The following PACSIN2 variants were observed in gnomAD, a reference collection of about 807,000 sequenced individuals.
PACSIN2 encodes the protein protein kinase C and casein kinase substrate in neurons 2.
A neutral mutation model predicts 63.8 loss-of-function variants in PACSIN2; 25 were observed. That is an observed-to-expected ratio of 0.39 (90% CI 0.29 to 0.55). The LOEUF (loss-of-function observed/expected upper bound fraction) is 0.55. Among genes scored for constraint, PACSIN2 ranks in the 20% least tolerant of loss-of-function variants. PACSIN2 has a pLI of 0.62. For missense variants in PACSIN2, 518 were observed against 646.9 expected (o/e 0.80, Z 2.16); for synonymous variants, 255 against 256.2 (o/e 1.00, Z 0.05).
intron 7 of PACSIN2, among the ~76,000 whole-genome samples, chr22:42,880,342 A>G (rs1189352265): frequency 6.6e-6 from 1 of 152,228 alleles, no homozygotes; most frequent in Non-Finnish European, 1.5e-5. Flanking sequence ...TTTTCTGACC[A>G]AAATAGATTG....
chr22:42,908,042 T>C (rs1931205525), intron 2 of PACSIN2, among the ~76,000 whole-genome samples: 1 of 151,484 alleles, frequency 6.6e-6, no homozygotes, highest in Non-Finnish European at 1.5e-5. Context: ...GGGCTAACAT[T>C]CCCAGAATAT....
rs192639929 is a variant in PACSIN2 at position 42,949,592 on chromosome 22, T to C, written c.-77-37435A>G. Among the ~76,000 whole-genome samples, 314 of 152,200 alleles carry C rather than the reference T, an allele frequency of 2.1e-3. 1 individual carries two copies. Among genetic ancestry groups the C allele is most frequent in the African/African-American group, 7.3e-3 (302 of 41,514 alleles). ...AATGCCGAATTACAATATACAATAA[T>C]ATTATCTGAGAAGCCCTGAAGAAAA... is the stretch of plus-strand genomic sequence containing the variant. On this transcript the variant is annotated intron_variant, in intron 1 of 10. Transcript: ENST00000263246.
chr22:42,888,897 G>A, intron 4 of PACSIN2, 99 bp from the exon 5 acceptor site: 1 of 1,230,584 alleles, frequency 8.1e-7, no homozygotes, highest in South Asian at 1.3e-5. Context: ...TACCAAGAGG[G>A]GAGAAAAAGG....
At chr22:42,905,524 G>A (rs1931013673) in intron 2 of PACSIN2, among the ~76,000 whole-genome samples, 1 of 152,238 alleles carries the variant, frequency 6.6e-6, no homozygotes, top group South Asian at 2.1e-4. Flanking sequence ...GCCCATCACA[G>A]AACAGCAGCA....
chr22:42,967,902 A>G (rs996854158), intron 1 of PACSIN2, among the ~76,000 whole-genome samples: 16 of 152,196 alleles, frequency 1.1e-4, no homozygotes, highest in East Asian at 1.9e-4. Flanking sequence ...ATAAAAAGAA[A>G]TCCTGCAAAT....
intron 1 of PACSIN2, among the ~76,000 whole-genome samples, chr22:42,981,615 T>G (rs1248127714): frequency 1.9e-5 from 2 of 107,464 alleles, no homozygotes; most frequent in African/African-American, 7.2e-5. Context: ...AGGACCCCTC[T>G]GCCCGGCCAG....
At chr22:42,930,404 T>C (rs1465969405) in intron 1 of PACSIN2, among the ~76,000 whole-genome samples, 2 of 152,130 alleles carry the variant, frequency 1.3e-5, no homozygotes, top group African/African-American at 2.4e-5. Flanking sequence ...CTCTCAGACC[T>C]TCTCTGGACC....
At chr22:42,997,859 C>T (rs551960675) in intron 1 of PACSIN2, among the ~76,000 whole-genome samples, 3 of 152,074 alleles carry the variant, frequency 2.0e-5, no homozygotes, top group Non-Finnish European at 4.4e-5. Context: ...CCAGCCTGGG[C>T]GACAGGGCAA....
At chr22:42,979,198 G>C (rs1368176841) in intron 1 of PACSIN2, among the ~76,000 whole-genome samples, 1 of 152,116 alleles carries the variant, frequency 6.6e-6, no homozygotes, top group Non-Finnish European at 1.5e-5. Context: ...TGGTTCATCT[G>C]TTTGTGTTTT....
intron 4 of PACSIN2, among the ~76,000 whole-genome samples, chr22:42,889,188 ACACGCACATGGAG>A (rs973225974): frequency 5.9e-5 from 9 of 151,874 alleles, no homozygotes; most frequent in African/African-American, 1.2e-4. Context: ...ATGACATGGA[ACACGCACATGGAG>A]CACGCACATG....
chr22:42,909,708 G>A (rs1281460684), intron 2 of PACSIN2: 5 of 393,604 alleles, frequency 1.3e-5, no homozygotes, highest in Admixed American at 3.0e-5. Flanking sequence ...TACTGGACTT[G>A]TTAAAGCTAG....
chr22:43,006,280 C>T (rs1418279591), intron 1 of PACSIN2, among the ~76,000 whole-genome samples: 1 of 152,154 alleles, frequency 6.6e-6, no homozygotes, highest in South Asian at 2.1e-4. Flanking sequence ...TACAAGCCAC[C>T]GCATCTTTGT....
chr22:42,991,264 C>T (rs1432123738), intron 1 of PACSIN2, among the ~76,000 whole-genome samples: 1 of 152,152 alleles, frequency 6.6e-6, no homozygotes, highest in Non-Finnish European at 1.5e-5. Flanking sequence ...CCATCCACCC[C>T]AGTCATAAAG....
intron 1 of PACSIN2, among the ~76,000 whole-genome samples, chr22:42,934,979 A>C (rs552110180): frequency 6.6e-6 from 1 of 151,130 alleles, no homozygotes; most frequent in Non-Finnish European, 1.5e-5. Flanking sequence ...GCAGTGGCGC[A>C]ATCTCGGCTC....
chr22:42,884,460 C>T lies in PACSIN2; in HGVS notation c.711G>A (p.Glu237=), dbSNP rs142212309. 4.0e-4 allele frequency: 639 copies of T among 1,614,228 alleles called. No homozygotes were observed. The highest frequency in any genetic ancestry group is 5.2e-4 in the Non-Finnish European group (611 of 1,180,030). The change falls in exon 6 of 11, where the codon GAG becomes GAA. Residue 237 remains glutamate, a synonymous_variant. Coordinates refer to ENST00000263246, the MANE Select transcript of PACSIN2 (RefSeq NM_001184970.3). ...EQVFEQCQQF[E]EKRLRFFREV... is the part of the protein sequence containing the mutation. ...CCCGGAAGAAGCGAAGGCGTTTCTC[C>T]TCGAACTGCTGGCACTGCTCAAACA...
At chr22:42,876,806 AG>A in intron 9 of PACSIN2, 81 bp downstream of exon 9, 1 of 1,573,178 alleles carries the variant, frequency 6.4e-7, no homozygotes, top group Non-Finnish European at 8.7e-7. Flanking sequence ...CCGAGTGCCG[AG>A]GGGTGAGACC....
chr22:42,990,536 C>T (rs961167500), intron 1 of PACSIN2, among the ~76,000 whole-genome samples: 36 of 152,242 alleles, frequency 2.4e-4, no homozygotes, highest in African/African-American at 8.2e-4. Context: ...AGGGGCAAAA[C>T]ACCTGGAGGG....
chr22:42,910,067 A>G (rs1931347390), intron 2 of PACSIN2, among the ~76,000 whole-genome samples: 2 of 152,234 alleles, frequency 1.3e-5, no homozygotes, highest in African/African-American at 4.8e-5. Flanking sequence ...AGGCAAAGAA[A>G]AATCAGTAAC....
chr22:42,871,057 G>A lies in PACSIN2; in HGVS notation c.*300C>T, dbSNP rs114092566. 1.2e-3 allele frequency: 487 copies of A among 397,002 alleles called. 3 individuals carry two copies. The highest frequency in any genetic ancestry group is 9.3e-3 in the African/African-American group (466 of 50,074). The allele number at this position is 397,002 out of a possible 1,614,324, so 24.6% of individuals were successfully genotyped here. ...GATCAGTGTAACCCACCATTGACTC[G>A]GAAAGGAGAGACAAAGTCAAGAACA... On this transcript the variant is annotated 3_prime_UTR_variant, in exon 11 of 11. Transcript: ENST00000263246. The surrounding 1 kb of genome is among the most constrained non-coding windows in gnomAD (Gnocchi z 5.4).
Sources: allele counts gnomAD v4.1 joint callset (sites outside exome capture counted in the v4.1 genomes callset), GRCh38; gene constraint gnomAD v4.1.1; non-coding constraint Gnocchi (gnomAD v3.1); transcripts MANE v1.5; gene names NCBI Gene and HGNC (gene_info 2026-07-23, HGNC 2026-07-21).